The following GRID2 variants were observed in gnomAD, a reference collection of about 807,000 sequenced individuals.
GRID2 encodes glutamate ionotropic receptor delta type subunit 2.
In GRID2, 33 loss-of-function variants were observed where a neutral mutation model predicts 114.8. That is an observed-to-expected ratio of 0.29 (90% CI 0.22 to 0.38). The LOEUF is 0.38. Ranked by LOEUF, GRID2 falls within the 10% of genes least tolerant of loss-of-function variation. GRID2 has a pLI of 1.00. For synonymous variants in GRID2, 505 were observed against 449.9 expected, an observed-to-expected ratio of 1.12 and a Z score of -1.55; for missense variants, 1,184 against 1,257.7, an observed-to-expected ratio of 0.94 and a Z score of 0.89.
Position 92,440,049 on chromosome 4 carries a change from C to G in GRID2, c.88+135305C>G, listed in dbSNP as rs940821342. Among the ~76,000 whole-genome samples the G allele has an allele frequency of 5.5e-5, 8 of 146,208 alleles. No individual in the cohort carries two copies. In the South Asian group the frequency reaches 1.2e-3, roughly 21 times the overall value. On this transcript the variant is annotated intron_variant, in intron 1 of 15. Coordinates refer to ENST00000282020, the MANE Select transcript of GRID2 (RefSeq NM_001510.4). Reference sequence around the variant, plus strand: ...GGCCTAATAAAAAGGAGCATCTGTACAGGAGCTTAAATGGGCTGTACCCTG... The same window carrying G: ...GGCCTAATAAAAAGGAGCATCTGTAGAGGAGCTTAAATGGGCTGTACCCTG...
intron 1 of GRID2, among the ~76,000 whole-genome samples, chr4:92,557,332 T>A (rs2149178547): frequency 6.6e-6 from 1 of 151,714 alleles, no homozygotes; most frequent in African/African-American, 2.4e-5. Flanking sequence ...TTCAAAATTT[T>A]AATTTTATAA....
At chr4:93,072,542 G>T (rs1167721371) in intron 2 of GRID2, among the ~76,000 whole-genome samples, 1 of 151,906 alleles carries the variant, frequency 6.6e-6, no homozygotes, top group East Asian at 1.9e-4. Flanking sequence ...AGGGGACCAG[G>T]CATAGTACTC....
At chr4:93,144,205 GACTC>G (rs1415135479) in intron 4 of GRID2, among the ~76,000 whole-genome samples, 1 of 152,124 alleles carries the variant, frequency 6.6e-6, no homozygotes, top group Non-Finnish European at 1.5e-5. Flanking sequence ...AAATAAAAGA[GACTC>G]AAGATGATGG....
intron 2 of GRID2, among the ~76,000 whole-genome samples, chr4:92,979,171 G>A (rs1028577372): frequency 6.6e-6 from 1 of 151,834 alleles, no homozygotes; most frequent in Non-Finnish European, 1.5e-5. Flanking sequence ...AGATTTGAAG[G>A]CATTACTAAC....
At chr4:93,013,525 T>C (rs1722389674) in intron 2 of GRID2, among the ~76,000 whole-genome samples, 1 of 151,974 alleles carries the variant, frequency 6.6e-6, no homozygotes, top group East Asian at 1.9e-4. Flanking sequence ...TTTATATATA[T>C]ATACCCACAC....
At chr4:93,768,885 A>G (rs554967443) in intron 14 of GRID2, among the ~76,000 whole-genome samples, 3 of 152,246 alleles carry the variant, frequency 2.0e-5, no homozygotes, top group East Asian at 3.9e-4. Context: ...GATTGTAAAA[A>G]CACACTGAAG....
chr4:93,075,869 T>C, intron 2 of GRID2, among the ~76,000 whole-genome samples: 1 of 147,630 alleles, frequency 6.8e-6, no homozygotes, highest in Non-Finnish European at 1.5e-5. Context: ...TATTGGGATG[T>C]CGAAGTTACC....
At chr4:93,301,626 A>T (rs5019027) in intron 8 of GRID2, among the ~76,000 whole-genome samples, 8,246 of 152,254 alleles carry the variant, frequency 0.054, 755 homozygotes, top group African/African-American at 0.19. Context: ...GTTTAATTTG[A>T]AGATTCCATT....
At chr4:92,902,622 A>G (rs1361667644) in intron 2 of GRID2, among the ~76,000 whole-genome samples, 1 of 152,054 alleles carries the variant, frequency 6.6e-6, no homozygotes, top group East Asian at 1.9e-4. Context: ...TTTTATAGTT[A>G]CAGGTCTTAC....
intron 9 of GRID2, among the ~76,000 whole-genome samples, chr4:93,410,662 C>A (rs1008968048): frequency 1.3e-4 from 20 of 152,258 alleles, no homozygotes; most frequent in African/African-American, 4.8e-4. Context: ...AGGCTCACTG[C>A]AACCTCCATC....
At chr4:92,990,558 AC>A (rs1221423010) in intron 2 of GRID2, among the ~76,000 whole-genome samples, 1 of 151,512 alleles carries the variant, frequency 6.6e-6, no homozygotes, top group Non-Finnish European at 1.5e-5. Context: ...CAGGTGATCT[AC>A]CCGCCTCAGC....
intron 1 of GRID2, among the ~76,000 whole-genome samples, chr4:92,440,190 C>T (rs1473292292): frequency 6.8e-6 from 1 of 146,004 alleles, no homozygotes; most frequent in East Asian, 2.0e-4. Context: ...GACCTTTAGT[C>T]CGTTCTACTT....
chr4:92,925,719 C>G lies in GRID2; in HGVS notation c.245-159276C>G, dbSNP rs139504550. ...CTTGAAATTCCTACCCAGGCATTCA[C>G]TTGAAAGGTACCCAAAGTTATATTT... On this transcript the variant is annotated intron_variant, in intron 2 of 15. Coordinates refer to ENST00000282020, the MANE Select transcript of GRID2 (RefSeq NM_001510.4). Among the ~76,000 whole-genome samples the G allele has an allele frequency of 2.8e-4, 42 of 152,084 alleles. No individual in the cohort carries two copies. In the East Asian group the frequency reaches 7.0e-3, roughly 25 times the overall value.
At chr4:92,788,232 A>G (rs970906272) in intron 2 of GRID2, among the ~76,000 whole-genome samples, 7 of 151,760 alleles carry the variant, frequency 4.6e-5, no homozygotes, top group African/African-American at 9.7e-5. Context: ...GAAGTAACCA[A>G]TGAGTTACTG....
chr4:92,398,872 G>C (rs922013614), intron 1 of GRID2, among the ~76,000 whole-genome samples: 5 of 152,152 alleles, frequency 3.3e-5, no homozygotes, highest in Admixed American at 3.3e-4. Flanking sequence ...TGAGCAGTGG[G>C]ACTGAGTGAG....
intron 8 of GRID2, among the ~76,000 whole-genome samples, chr4:93,264,560 G>T (rs1750590567): frequency 6.6e-6 from 1 of 151,162 alleles, no homozygotes; most frequent in Non-Finnish European, 1.5e-5. Flanking sequence ...GAAGACATGG[G>T]AAACCTGGGA....
At position 93,505,866 on chromosome 4, in the gene GRID2, T is replaced by A. The variant is rs571608831; in HGVS notation, c.1998-9350T>A. On this transcript the variant is annotated intron_variant, in intron 12 of 15. Coordinates refer to ENST00000282020, the MANE Select transcript of GRID2 (RefSeq NM_001510.4). ...TTTCAGGGTTCATGATGTGACACAA[T>A]TAGTTTCTAGCTTGTAATGTGGGTC... 5.8e-4 allele frequency among the ~76,000 whole-genome samples: 88 copies of A among 152,204 alleles called. 1 individual carries two copies. Among genetic ancestry groups the A allele is most frequent in the African/African-American group, 2.0e-3 (85 of 41,534 alleles).
chr4:92,927,149 A>G (rs1164078079), intron 2 of GRID2, among the ~76,000 whole-genome samples: 1 of 151,946 alleles, frequency 6.6e-6, no homozygotes, highest in Non-Finnish European at 1.5e-5. Context: ...AGTTGATTAT[A>G]GCTCATATTC....
intron 2 of GRID2, among the ~76,000 whole-genome samples, chr4:92,899,578 TTTAA>T (rs926652396): frequency 1.3e-5 from 2 of 151,962 alleles, no homozygotes; most frequent in Non-Finnish European, 2.9e-5. Context: ...GTCAGAGTTC[TTTAA>T]TTGTTTGTTA....
Sources: gnomAD v4.1 joint callset for allele counts (sites outside exome capture counted in the v4.1 genomes callset) on GRCh38, gnomAD v4.1.1 for gene constraint, MANE v1.5 for transcripts, NCBI Gene and HGNC (gene_info 2026-07-23, HGNC 2026-07-21) for gene names.